The following PLXDC2 variants were observed in gnomAD, a reference collection of about 807,000 sequenced individuals.
PLXDC2 encodes plexin domain containing 2, also known as plexin domain-containing protein 2.
In PLXDC2, 40 loss-of-function variants were observed where a neutral mutation model predicts 68.9. The observed-to-expected ratio is 0.58, with a 90% CI of 0.45 to 0.76. The LOEUF is 0.76. Among genes scored for constraint, PLXDC2 ranks in the 30% least tolerant of loss-of-function variants. The pLI is 0.00. For synonymous variants in PLXDC2, 243 were observed against 234.2 expected, an observed-to-expected ratio of 1.04 and a Z score of -0.34; for missense variants, 644 against 661.9, an observed-to-expected ratio of 0.97 and a Z score of 0.30.
At chr10:20,064,424 GT>G (rs760242775) in intron 3 of PLXDC2, among the ~76,000 whole-genome samples, 5 of 151,990 alleles carry the variant, frequency 3.3e-5, no homozygotes, top group Non-Finnish European at 4.4e-5. Context: ...GTTTCACCGT[GT>G]TAGCCAGGAT....
intron 13 of PLXDC2, among the ~76,000 whole-genome samples, chr10:20,268,081 A>G (rs1654479100): frequency 6.6e-6 from 1 of 152,164 alleles, no homozygotes; most frequent in Admixed American, 6.5e-5. Context: ...ACATTGTATG[A>G]CAATATAATT....
intron 4 of PLXDC2, among the ~76,000 whole-genome samples, chr10:20,124,993 A>T (rs1310395748): frequency 6.6e-6 from 1 of 152,162 alleles, no homozygotes; most frequent in African/African-American, 2.4e-5. Context: ...ACTACCGTGG[A>T]AACCAGCAAC....
chr10:19,996,535 A>G (rs374285285), intron 1 of PLXDC2, among the ~76,000 whole-genome samples: 1 of 152,168 alleles, frequency 6.6e-6, no homozygotes, highest in Non-Finnish European at 1.5e-5. Context: ...GTAGTGAGCT[A>G]TGATCGTGCC....
In PLXDC2 at chr10:20,245,416, A is replaced by C; in HGVS notation, c.1384A>C (p.Ile462Leu). Residue 462 changes from isoleucine to leucine, a missense_variant, in exon 13 of 14, where the codon ATC (isoleucine) becomes CTC (leucine). Coordinates refer to ENST00000377252, the MANE Select transcript of PLXDC2 (RefSeq NM_032812.9). ...LHAGLIIGIL[I>L]LVLIVATAIL... is the part of the protein sequence containing the mutation. ...CGCTGGCCTCATCATTGGAATCCTC[A>C]TCCTGGTCCTCATTGTAGCCACAGC... The C allele has an allele frequency of 1.2e-6, 2 of 1,614,016 alleles. No homozygotes were observed. Among genetic ancestry groups the C allele is most frequent in the Non-Finnish European group, 1.7e-6 (2 of 1,179,980 alleles).
chr10:20,165,802 T>C (rs1834366909), intron 7 of PLXDC2, among the ~76,000 whole-genome samples: 2 of 152,130 alleles, frequency 1.3e-5, no homozygotes, highest in South Asian at 4.1e-4. Flanking sequence ...TGGACAACTG[T>C]TTGTTATATT....
intron 4 of PLXDC2, among the ~76,000 whole-genome samples, chr10:20,080,174 A>T (rs572151435): frequency 2.0e-5 from 3 of 152,302 alleles, no homozygotes; most frequent in Admixed American, 2.0e-4. Flanking sequence ...TGTCACTCTC[A>T]TTCTATCGAG....
At chr10:20,246,349 T>C (rs1251437404) in intron 13 of PLXDC2, among the ~76,000 whole-genome samples, 2 of 152,002 alleles carry the variant, frequency 1.3e-5, no homozygotes, top group Non-Finnish European at 2.9e-5. Context: ...CATATGCAGG[T>C]TTTTTTTGTT....
chr10:20,210,400 G>C (rs11011873), intron 9 of PLXDC2, among the ~76,000 whole-genome samples: 1 of 152,188 alleles, frequency 6.6e-6, no homozygotes, highest in South Asian at 2.1e-4. Flanking sequence ...CCTAAAAGGA[G>C]CGACTATGGT....
intron 1 of PLXDC2, among the ~76,000 whole-genome samples, chr10:19,876,601 C>CAAAAAA (rs61268790): frequency 6.3e-4 from 40 of 63,916 alleles, no homozygotes; most frequent in Admixed American, 1.4e-3. Context: ...GATTCCATCT[C>CAAAAAA]AAAAAAAAAA....
At position 20,286,926 on chromosome 10, in the gene PLXDC2, G is replaced by C. The variant is rs1419574611; in HGVS notation, c.*7107G>C. On this transcript the variant is annotated 3_prime_UTR_variant, in exon 14 of 14. Coordinates refer to ENST00000377252, the MANE Select transcript of PLXDC2 (RefSeq NM_032812.9). Reference sequence around the variant, plus strand: ...TTTAGTAGAGACGGGGTTTCTCCATGCTGGTCAGGCTGGTCCCCAGCTCCC... The same window carrying C: ...TTTAGTAGAGACGGGGTTTCTCCATCCTGGTCAGGCTGGTCCCCAGCTCCC... 3.3e-5 allele frequency: 5 copies of C among 152,180 alleles called. No homozygotes were observed. Among genetic ancestry groups the C allele is most frequent in the Admixed American group, 2.6e-4 (4 of 15,272 alleles). The allele number at this position is 152,180 out of a possible 1,614,324, so 9.4% of individuals were successfully genotyped here. A position where few individuals can be genotyped will look rare whatever the true frequency, so the allele number is the denominator to read the frequency against.
intron 9 of PLXDC2, among the ~76,000 whole-genome samples, chr10:20,200,041 A>G (rs1489791094): frequency 6.6e-6 from 1 of 151,944 alleles, no homozygotes; most frequent in Non-Finnish European, 1.5e-5. Flanking sequence ...ATGCTAAGGT[A>G]GGAGAGGCTT....
At chr10:19,947,874 C>T (rs569436349) in intron 1 of PLXDC2, among the ~76,000 whole-genome samples, 3 of 152,084 alleles carry the variant, frequency 2.0e-5, no homozygotes, top group Non-Finnish European at 2.9e-5. Flanking sequence ...CCTCCAGGGT[C>T]TAGGAAAGTC....
chr10:19,883,822 G>A (rs144039168), intron 1 of PLXDC2, among the ~76,000 whole-genome samples: 6 of 147,138 alleles, frequency 4.1e-5, no homozygotes, highest in South Asian at 2.2e-4. Flanking sequence ...TTAGTGCTAC[G>A]GAAGGGCATC....
At chr10:20,193,902 A>T (rs955689782) in intron 9 of PLXDC2, among the ~76,000 whole-genome samples, 5 of 151,756 alleles carry the variant, frequency 3.3e-5, no homozygotes, top group Admixed American at 1.3e-4. Flanking sequence ...GACAAATCTG[A>T]TGTAGAAAAA....
chr10:19,977,045 A>C (rs1278737947), intron 1 of PLXDC2, among the ~76,000 whole-genome samples: 31 of 152,138 alleles, frequency 2.0e-4, no homozygotes, highest in Admixed American at 2.0e-3. Flanking sequence ...TGTCCATCTC[A>C]TGGCATAATA....
intron 4 of PLXDC2, among the ~76,000 whole-genome samples, chr10:20,114,763 C>G (rs1833601175): frequency 6.6e-6 from 1 of 152,142 alleles, no homozygotes; most frequent in African/African-American, 2.4e-5. Flanking sequence ...CTGGAGAGAA[C>G]TGTGAGTATC....
chr10:20,028,615 T>C (rs912368477), intron 2 of PLXDC2, among the ~76,000 whole-genome samples: 10 of 152,224 alleles, frequency 6.6e-5, no homozygotes, highest in African/African-American at 2.4e-4. Flanking sequence ...ACTGTCTCAG[T>C]TATACTAAGT....
At chr10:20,030,642 G>A (rs2131666917) in intron 2 of PLXDC2, among the ~76,000 whole-genome samples, 1 of 152,238 alleles carries the variant, frequency 6.6e-6, no homozygotes, top group South Asian at 2.1e-4. Flanking sequence ...TGTAAATAAA[G>A]GGTCAAAAGT....
chr10:20,152,560 T>G (rs575068518), intron 6 of PLXDC2, among the ~76,000 whole-genome samples: 105 of 152,290 alleles, frequency 6.9e-4, no homozygotes, highest in African/African-American at 2.4e-3. Context: ...TTAAAGTTCT[T>G]TTTCTCAAAT....
Sources: gnomAD v4.1 joint callset for allele counts (sites outside exome capture counted in the v4.1 genomes callset) on GRCh38, gnomAD v4.1.1 for gene constraint, MANE v1.5 for transcripts, NCBI Gene and HGNC (gene_info 2026-07-23, HGNC 2026-07-21) for gene names.